STK31: variants seen among roughly 807,000 people sequenced by gnomAD.
The protein encoded by STK31 is serine/threonine-protein kinase 31.
In STK31, 89 loss-of-function variants were observed where a neutral mutation model predicts 129.7. The ratio of observed to expected loss-of-function variants is 0.69; its 90% CI spans 0.58 to 0.82. The LOEUF (loss-of-function observed/expected upper bound fraction) is 0.82, where lower values mean the gene tolerates loss of function less well. Among genes scored for constraint, STK31 ranks in the 40% least tolerant of loss-of-function variants. STK31 has a pLI of 0.00. For synonymous variants in STK31, 448 were observed against 395.3 expected, an observed-to-expected ratio of 1.13 and a Z score of -1.58; for missense variants, 1,187 against 1,176.4, an observed-to-expected ratio of 1.01 and a Z score of -0.13.
In STK31 at chr7:23,754,470, A is replaced by G. The variant is rs1351031527; in HGVS notation, c.1289A>G (p.Tyr430Cys). Residue 430 changes from tyrosine (Y) to cysteine (C), a missense_variant, in exon 10 of 24, where the codon TAT (tyrosine) becomes TGT (cysteine). By Grantham distance (194) the Tyr-to-Cys change is radical. Around this residue, in one of 5 missense-constraint regions of STK31, gnomAD observed 975 missense variants for 934.9 expected, o/e 1.04. Coordinates refer to ENST00000355870, the MANE Select transcript of STK31 (RefSeq NM_031414.5). ...LAQENIKTCEYVSEGNILIAQ... is the reference protein window; with the variant it reads ...LAQENIKTCECVSEGNILIAQ... ...CAGGAGAATATTAAAACTTGTGAAT[A>G]TGTGGTGAGTTGGGAATTTTTCTCT... 3.1e-6 allele frequency: 5 copies of G among 1,608,330 alleles called. No homozygotes were observed. In the African/African-American group the frequency reaches 6.7e-5, roughly 22 times the overall value.
At chr7:23,823,677 C>G (rs1793929463) in intron 23 of STK31, among the ~76,000 whole-genome samples, 1 of 152,212 alleles carries the variant, frequency 6.6e-6, no homozygotes, top group Non-Finnish European at 1.5e-5. Context: ...TTGTCCATGC[C>G]TATGTCCTGA....
chr7:23,794,202 G>C (rs1791810319), intron 22 of STK31, among the ~76,000 whole-genome samples: 2 of 152,200 alleles, frequency 1.3e-5, no homozygotes, highest in Non-Finnish European at 2.9e-5. Flanking sequence ...GGTGGGGTCA[G>C]GTGGAGATAA....
At chr7:23,785,285 C>T (rs1182573543) in intron 17 of STK31, among the ~76,000 whole-genome samples, 193 bp from the exon 18 acceptor site, 1 of 152,166 alleles carries the variant, frequency 6.6e-6, no homozygotes, top group Non-Finnish European at 1.5e-5. Context: ...ATGGTGATTA[C>T]ACTTTGGGTA....
intron 15 of STK31, among the ~76,000 whole-genome samples, chr7:23,774,576 T>G (rs979494479): frequency 5.3e-5 from 8 of 152,236 alleles, no homozygotes; most frequent in African/African-American, 1.9e-4. Context: ...TGCATAAATG[T>G]CTTCTTTTGA....
intron 8 of STK31, among the ~76,000 whole-genome samples, chr7:23,750,076 G>GCCCC (rs1236953827): frequency 4.8e-5 from 5 of 104,230 alleles, no homozygotes; most frequent in East Asian, 5.3e-4. Flanking sequence ...TTCCCCCCCC[G>GCCCC]CCACTGCTGG....
chr7:23,818,758 G>A (rs1286475947), intron 23 of STK31, among the ~76,000 whole-genome samples: 2 of 152,086 alleles, frequency 1.3e-5, no homozygotes, highest in Non-Finnish European at 2.9e-5. Flanking sequence ...CCGAGTAGCT[G>A]GTACTACAGT....
At chr7:23,829,344 A>C (rs1562640805) in intron 23 of STK31, among the ~76,000 whole-genome samples, 1 of 152,038 alleles carries the variant, frequency 6.6e-6, no homozygotes, top group Non-Finnish European at 1.5e-5. Context: ...GGGATGTTTT[A>C]ATCTATGAAA....
intron 22 of STK31, among the ~76,000 whole-genome samples, chr7:23,812,108 T>C (rs1793171317): frequency 6.6e-6 from 1 of 152,218 alleles, no homozygotes; most frequent in Non-Finnish European, 1.5e-5. Context: ...GTACTTCCTT[T>C]AGCCACTCTT....
chr7:23,752,743 G>C lies in STK31; in HGVS notation c.1044G>C (p.Leu348Phe), dbSNP rs1394947722. ...AAGAGAAGGCAGCTGCTGTGGATTT[G>C]ACTAACCACTTAGAATACACTCTGA... ...LQQEKAAAVDLTNHLEYTLKT... is the reference protein window; with the variant it reads ...LQQEKAAAVDFTNHLEYTLKT... Residue 348 changes from leucine to phenylalanine, a missense_variant, in exon 9 of 24, where the codon TTG becomes TTC. Physicochemically the swap from Leu to Phe is conservative, Grantham distance 22 (BLOSUM62 0). This residue lies in a region of STK31 where 975 missense variants were observed against 934.9 expected (regional missense o/e 1.04). Transcript: ENST00000355870. 6.2e-7 allele frequency: 1 copy of C among 1,613,502 alleles called. No homozygotes were observed. Among genetic ancestry groups the C allele is most frequent in the Non-Finnish European group, 8.5e-7 (1 of 1,179,788 alleles).
At chr7:23,739,742 A>G (rs1343759852) in intron 8 of STK31, among the ~76,000 whole-genome samples, 1 of 152,148 alleles carries the variant, frequency 6.6e-6, no homozygotes, top group Non-Finnish European at 1.5e-5. Flanking sequence ...TCCTTTCCCC[A>G]TTGCTTGTTT....
At chr7:23,784,382 T>C (rs1259705291) in intron 17 of STK31, among the ~76,000 whole-genome samples, 2 of 152,190 alleles carry the variant, frequency 1.3e-5, no homozygotes, top group Admixed American at 1.3e-4. Flanking sequence ...TTCCCTAACT[T>C]AAATAATTAC....
At chr7:23,808,685 C>T (rs1319039203) in intron 22 of STK31, among the ~76,000 whole-genome samples, 1 of 152,024 alleles carries the variant, frequency 6.6e-6, no homozygotes, top group African/African-American at 2.4e-5. Context: ...AGTAGAAGTT[C>T]AGTTCCCTGT....
rs1240703687 is a variant in STK31 at position 23,772,296 on chromosome 7, T to C, written c.1965+18T>C. ...TGGAAGAGGTAAGGAAACAGTTGTT[T>C]CTTACTGATCTTTATGTGCATCTCA... is the stretch of plus-strand genomic sequence containing the variant. On this transcript the variant is annotated intron_variant, in intron 15 of 23. Coordinates refer to ENST00000355870, the MANE Select transcript of STK31 (RefSeq NM_031414.5). 1.3e-6 allele frequency: 2 copies of C among 1,595,464 alleles called. No homozygotes were observed. Among genetic ancestry groups the C allele is most frequent in the East Asian group, 4.5e-5 (2 of 44,176 alleles).
At chr7:23,823,541 G>A (rs1453077122) in intron 23 of STK31, among the ~76,000 whole-genome samples, 1 of 152,084 alleles carries the variant, frequency 6.6e-6, no homozygotes, top group African/African-American at 2.4e-5. Flanking sequence ...CTCCCATTTT[G>A]TAGGTTGCTT....
chr7:23,750,527 ATCTTTTGT>A (rs1788650208), intron 8 of STK31, among the ~76,000 whole-genome samples: 1 of 152,124 alleles, frequency 6.6e-6, no homozygotes, highest in African/African-American at 2.4e-5. Flanking sequence ...ATTGTTTTAA[ATCTTTTGT>A]TCTTTTGTAA....
At chr7:23,775,418 G>T (rs1790474677) in intron 15 of STK31, among the ~76,000 whole-genome samples, 1 of 152,150 alleles carries the variant, frequency 6.6e-6, no homozygotes, top group African/African-American at 2.4e-5. Flanking sequence ...ATTACTTTGG[G>T]CAGTATGGCC....
chr7:23,770,622 C>CT (rs1393611139), intron 13 of STK31, among the ~76,000 whole-genome samples: 1 of 152,054 alleles, frequency 6.6e-6, no homozygotes, highest in Middle Eastern at 3.4e-3. Context: ...AATGGCTTTG[C>CT]TTTTTTTAGA....
chr7:23,821,992 A>G, intron 23 of STK31, among the ~76,000 whole-genome samples: 1 of 152,038 alleles, frequency 6.6e-6, no homozygotes, highest in Admixed American at 6.6e-5. Flanking sequence ...TCTATTCTAT[A>G]GGTGCATATA....
intron 11 of STK31, among the ~76,000 whole-genome samples, chr7:23,763,531 T>A (rs1398754161): frequency 6.6e-6 from 1 of 152,206 alleles, no homozygotes; most frequent in Non-Finnish European, 1.5e-5. Context: ...TTTAAAATTT[T>A]TCTCTATAAG....
Sources: gnomAD v4.1 joint callset for allele counts (sites outside exome capture counted in the v4.1 genomes callset) on GRCh38, gnomAD v4.1.1 for gene constraint, gnomAD v4.1.1 regional missense constraint, MANE v1.5 for transcripts, NCBI Gene and HGNC (gene_info 2026-07-23, HGNC 2026-07-21) for gene names.